Variants in NLGN1 observed in about 807,000 individuals in gnomAD.
NLGN1 encodes the protein neuroligin-1.
A neutral mutation model predicts 65.5 loss-of-function variants in NLGN1; 12 were observed. That is an observed-to-expected ratio of 0.18 (90% CI 0.12 to 0.30). The LOEUF is 0.30. Ranked by LOEUF, NLGN1 falls within the 10% of genes least tolerant of loss-of-function variation. NLGN1 has a pLI of 1.00. For missense variants in NLGN1, 750 were observed against 1,007.1 expected, an observed-to-expected ratio of 0.74 and a Z score of 3.46; for synonymous variants, 350 against 359.5, an observed-to-expected ratio of 0.97 and a Z score of 0.30.
At chr3:173,886,339 T>C (rs892525260) in intron 4 of NLGN1, among the ~76,000 whole-genome samples, 5 of 152,094 alleles carry the variant, frequency 3.3e-5, no homozygotes, top group Admixed American at 6.6e-5. Flanking sequence ...TCCTCAAATT[T>C]ACTGTTACAT....
In NLGN1 at chr3:173,920,970, G is replaced by A. The variant is rs571834824; in HGVS notation, c.646+113138G>A. 3.5e-3 allele frequency among the ~76,000 whole-genome samples: 525 copies of A among 151,784 alleles called. 3 individuals carry two copies. Among genetic ancestry groups the A allele is most frequent in the Non-Finnish European group, 4.5e-3 (308 of 67,908 alleles). ...ATTCAAGGAACACAATATAAACAAC[G>A]AATTGGAATTCAGCATATGTGTTTC... On this transcript the variant is annotated intron_variant, in intron 4 of 6. Coordinates refer to ENST00000457714, the Ensembl canonical transcript of NLGN1.
At chr3:173,673,451 A>G (rs937223979) in intron 3 of NLGN1, among the ~76,000 whole-genome samples, 1 of 152,192 alleles carries the variant, frequency 6.6e-6, no homozygotes, top group African/African-American at 2.4e-5. Context: ...ATTAAAATAT[A>G]GCCTATTTTA....
chr3:173,847,354 A>C (rs568218238), intron 4 of NLGN1, among the ~76,000 whole-genome samples: 1 of 152,290 alleles, frequency 6.6e-6, no homozygotes, highest in South Asian at 2.1e-4. Flanking sequence ...TTTTTCTCAC[A>C]TCTTAAAGAT....
intron 4 of NLGN1, among the ~76,000 whole-genome samples, chr3:174,023,888 A>AG (rs1728277126): frequency 6.6e-6 from 1 of 152,168 alleles, no homozygotes; most frequent in Non-Finnish European, 1.5e-5. Flanking sequence ...GAAAATGGGA[A>AG]GAGCTGACTG....
chr3:173,732,310 C>T (rs1293628201), intron 3 of NLGN1, among the ~76,000 whole-genome samples: 1 of 152,008 alleles, frequency 6.6e-6, no homozygotes, highest in African/African-American at 2.4e-5. Context: ...AAGGAATTTC[C>T]CTGGAATTGA....
chr3:173,865,360 T>TA (rs938014803), intron 4 of NLGN1, among the ~76,000 whole-genome samples: 1 of 152,158 alleles, frequency 6.6e-6, no homozygotes, highest in African/African-American at 2.4e-5. Context: ...TTAGGAAAGA[T>TA]ACATCCTCAT....
At chr3:173,534,674 T>C in intron 2 of NLGN1, among the ~76,000 whole-genome samples, 1 of 152,196 alleles carries the variant, frequency 6.6e-6, no homozygotes, top group Non-Finnish European at 1.5e-5. Flanking sequence ...TCAATTTAAA[T>C]GTCTAAAGGA....
chr3:173,457,456 A>T (rs1419693511), intron 2 of NLGN1, among the ~76,000 whole-genome samples: 4 of 152,102 alleles, frequency 2.6e-5, no homozygotes, highest in African/African-American at 9.7e-5. Flanking sequence ...GGAGAGATGC[A>T]ATTGTAAGGA....
chr3:173,713,138 T>G (rs1006225992), intron 3 of NLGN1, among the ~76,000 whole-genome samples: 5 of 152,148 alleles, frequency 3.3e-5, no homozygotes, highest in African/African-American at 1.2e-4. Context: ...CTCTTTGTAT[T>G]TACTCAGATG....
chr3:174,186,391 T>C (rs1430114156), intron 4 of NLGN1, among the ~76,000 whole-genome samples: 1 of 152,074 alleles, frequency 6.6e-6, no homozygotes, highest in Non-Finnish European at 1.5e-5. Flanking sequence ...GTCTTCACTT[T>C]CTCGTGGTAG....
intron 4 of NLGN1, among the ~76,000 whole-genome samples, chr3:174,237,660 G>A (rs1259465746): frequency 6.6e-6 from 1 of 152,062 alleles, no homozygotes; most frequent in Non-Finnish European, 1.5e-5. Context: ...GAGTTCAAGT[G>A]ATTCTCCTGC....
intron 2 of NLGN1, among the ~76,000 whole-genome samples, chr3:173,589,065 T>C (rs1747995346): frequency 6.6e-6 from 1 of 152,208 alleles, no homozygotes; most frequent in African/African-American, 2.4e-5. Context: ...CACAGTGATA[T>C]ATCACAGGAA....
chr3:173,995,883 A>G (rs1211901351), intron 4 of NLGN1, among the ~76,000 whole-genome samples: 1 of 151,986 alleles, frequency 6.6e-6, no homozygotes, highest in Non-Finnish European at 1.5e-5. Flanking sequence ...ACAGTGTCTC[A>G]GTATGTTGCC....
intron 2 of NLGN1, among the ~76,000 whole-genome samples, chr3:173,542,163 A>G (rs1424961025): frequency 6.6e-6 from 1 of 151,534 alleles, no homozygotes; most frequent in Non-Finnish European, 1.5e-5. Flanking sequence ...TTTTAGCTTT[A>G]TTTCTTCTAT....
chr3:173,780,809 T>C (rs1781006177), intron 3 of NLGN1, among the ~76,000 whole-genome samples: 1 of 152,164 alleles, frequency 6.6e-6, no homozygotes. Flanking sequence ...TGATCACATA[T>C]TTTAATGATG....
chr3:173,399,638 T>C (rs1202793140), intron 1 of NLGN1: 2 of 152,186 alleles, frequency 1.3e-5, no homozygotes, highest in Non-Finnish European at 2.9e-5. Context: ...CTTGGATCAC[T>C]CTCCAAAGTC....
At chr3:174,168,883 G>C (rs529865840) in intron 4 of NLGN1, among the ~76,000 whole-genome samples, 1 of 152,306 alleles carries the variant, frequency 6.6e-6, no homozygotes, top group African/African-American at 2.4e-5. Flanking sequence ...TTAGCTCCAA[G>C]TTCTCTGCAT....
At chr3:173,425,500 T>G (rs957532082) in intron 1 of NLGN1, among the ~76,000 whole-genome samples, 3 of 152,180 alleles carry the variant, frequency 2.0e-5, no homozygotes, top group African/African-American at 7.2e-5. Context: ...AGTCTTTAAT[T>G]CATTTTGAGT....
intron 2 of NLGN1, among the ~76,000 whole-genome samples, chr3:173,561,277 G>A (rs1278104710): frequency 2.0e-5 from 3 of 152,154 alleles, no homozygotes; most frequent in South Asian, 2.1e-4. Context: ...CTGAGGAAGC[G>A]TTGCCTTTAC....
Sources: allele counts gnomAD v4.1 joint callset (sites outside exome capture counted in the v4.1 genomes callset), GRCh38; gene constraint gnomAD v4.1.1; transcripts MANE v1.5; gene names NCBI Gene and HGNC (gene_info 2026-07-23, HGNC 2026-07-21).